Variants in RBFOX1 observed in about 807,000 individuals in gnomAD.
RBFOX1 encodes RNA binding fox-1 homolog 1, also known as RNA binding protein fox-1 homolog 1.
In RBFOX1, 8 loss-of-function variants were observed where a neutral mutation model predicts 57.7. That is an observed-to-expected ratio of 0.14 (90% CI 0.08 to 0.25). RBFOX1 has a LOEUF of 0.25. Ranked by LOEUF, RBFOX1 falls within the 10% of genes least tolerant of loss-of-function variation. The pLI is 1.00. For missense variants in RBFOX1, 611 were observed against 548.5 expected (o/e 1.11, Z -1.14); for synonymous variants, 326 against 222.4 (o/e 1.47, Z -4.15).
At chr16:6,618,814 C>T (rs1021346900) in intron 2 of RBFOX1, among the ~76,000 whole-genome samples, 15 of 152,158 alleles carry the variant, frequency 9.9e-5, no homozygotes, top group Non-Finnish European at 1.9e-4. Context: ...CGTGCCTGTG[C>T]AACTGCACCT....
At chr16:6,815,102 A>G (rs1314885345) in intron 3 of RBFOX1, among the ~76,000 whole-genome samples, 2 of 152,122 alleles carry the variant, frequency 1.3e-5, no homozygotes, top group Admixed American at 6.5e-5. Context: ...GTTTCTCCCC[A>G]TTTCCGACCA....
rs117998776 is a variant in RBFOX1 at position 7,197,288 on chromosome 16, C to G, written c.27+145190C>G. On this transcript the variant is annotated intron_variant, in intron 4 of 15. Transcript: ENST00000550418. ...GCTCTGAGCAGCTATTGCTTCATGTCGTGGTTGAAGCAGGAAGCGACTGAG... is the reference window on the plus strand; with the variant it reads ...GCTCTGAGCAGCTATTGCTTCATGTGGTGGTTGAAGCAGGAAGCGACTGAG... Among the ~76,000 whole-genome samples, 45 of 152,150 alleles carry G rather than the reference C, an allele frequency of 3.0e-4. No homozygotes were observed. The East Asian group carries it at 7.6e-3, about 26-fold the overall frequency.
intron 1 of RBFOX1, among the ~76,000 whole-genome samples, chr16:6,313,268 G>T (rs1193717484): frequency 6.6e-6 from 1 of 152,176 alleles, no homozygotes; most frequent in African/African-American, 2.4e-5. Context: ...AGTAAGGTAG[G>T]TTTGGAATGA....
chr16:6,917,793 G>A (rs1187940621), intron 3 of RBFOX1, among the ~76,000 whole-genome samples: 1 of 152,172 alleles, frequency 6.6e-6, no homozygotes, highest in Admixed American at 6.5e-5. Flanking sequence ...GATCTCAGTA[G>A]CAGACCTTCA....
At chr16:6,980,983 C>T (rs534237534) in intron 3 of RBFOX1, among the ~76,000 whole-genome samples, 1 of 133,594 alleles carries the variant, frequency 7.5e-6, no homozygotes, top group African/African-American at 3.0e-5. Context: ...GTGGAGGTTG[C>T]AGTCTGCCGA....
chr16:7,098,656 A>G (rs972205470), intron 4 of RBFOX1, among the ~76,000 whole-genome samples: 1 of 152,096 alleles, frequency 6.6e-6, no homozygotes, highest in African/African-American at 2.4e-5. Flanking sequence ...AGTGGTTAAA[A>G]TAGTGATGAT....
chr16:7,377,449 G>C (rs960391594), intron 4 of RBFOX1, among the ~76,000 whole-genome samples: 2 of 152,160 alleles, frequency 1.3e-5, no homozygotes, highest in African/African-American at 4.8e-5. Context: ...TCATCATTAA[G>C]ATATATTCAA....
intron 3 of RBFOX1, among the ~76,000 whole-genome samples, chr16:5,811,388 C>T (rs1459616864): frequency 6.6e-6 from 1 of 151,944 alleles, no homozygotes; most frequent in Non-Finnish European, 1.5e-5. Flanking sequence ...GGTGATCCGC[C>T]TGCCTCGGCC....
intron 3 of RBFOX1, among the ~76,000 whole-genome samples, chr16:6,939,655 C>T (rs1340625358): frequency 6.6e-6 from 1 of 151,818 alleles, no homozygotes; most frequent in Non-Finnish European, 1.5e-5. Context: ...GCGATTACAG[C>T]CGTGTGCTAC....
At chr16:7,490,103 A>G (rs535681105) in intron 4 of RBFOX1, among the ~76,000 whole-genome samples, 74 of 152,258 alleles carry the variant, frequency 4.9e-4, no homozygotes, top group African/African-American at 1.7e-3. Flanking sequence ...CATCTTTGCC[A>G]TGTGGCTTCT....
At chr16:5,641,481 A>T (rs552560252) in intron 3 of RBFOX1, among the ~76,000 whole-genome samples, 1 of 152,246 alleles carries the variant, frequency 6.6e-6, no homozygotes, top group African/African-American at 2.4e-5. Context: ...AAGGGTAAGT[A>T]GAAAGGCCTC....
intron 2 of RBFOX1, among the ~76,000 whole-genome samples, chr16:5,587,757 C>A (rs911729036): frequency 7.9e-5 from 12 of 152,050 alleles, no homozygotes; most frequent in African/African-American, 2.9e-4. Context: ...TATGGAGGGA[C>A]CTGAGCCCTC....
At chr16:7,178,212 C>T (rs2082045995) in intron 4 of RBFOX1, among the ~76,000 whole-genome samples, 1 of 152,246 alleles carries the variant, frequency 6.6e-6, no homozygotes, top group Non-Finnish European at 1.5e-5. Context: ...GGAAACTTTC[C>T]TCCACACAGT....
At chr16:6,745,964 A>G (rs149188154) in intron 3 of RBFOX1, among the ~76,000 whole-genome samples, 5 of 152,370 alleles carry the variant, frequency 3.3e-5, no homozygotes, top group African/African-American at 1.2e-4. Context: ...ATGTAATTCA[A>G]TTATATTTTT....
chr16:6,515,122 G>C (rs766135096), intron 2 of RBFOX1, among the ~76,000 whole-genome samples: 3 of 152,134 alleles, frequency 2.0e-5, no homozygotes, highest in Non-Finnish European at 4.4e-5. Flanking sequence ...TATATTACAG[G>C]TTTACTTATG....
At chr16:5,890,240 A>G (rs2058014590) in intron 4 of RBFOX1, among the ~76,000 whole-genome samples, 1 of 152,220 alleles carries the variant, frequency 6.6e-6, no homozygotes, top group African/African-American at 2.4e-5. Flanking sequence ...ATATCTAATT[A>G]TAACAGGCAT....
chr16:6,833,199 T>C (rs990989841), intron 3 of RBFOX1, among the ~76,000 whole-genome samples: 2 of 152,048 alleles, frequency 1.3e-5, no homozygotes, highest in African/African-American at 4.8e-5. Flanking sequence ...GGGGTCTTTT[T>C]CTGTCACCCA....
chr16:5,267,693 C>T (rs1353936103), intron 1 of RBFOX1, among the ~76,000 whole-genome samples: 3 of 152,182 alleles, frequency 2.0e-5, no homozygotes, highest in Non-Finnish European at 2.9e-5. Flanking sequence ...CTGGAATCTT[C>T]TCTACTTCCA....
At chr16:6,457,440 C>CCCCG (rs1025074368) in intron 2 of RBFOX1, among the ~76,000 whole-genome samples, 1 of 64,050 alleles carries the variant, frequency 1.6e-5, no homozygotes, top group East Asian at 9.3e-4. Context: ...TCCGGAAGTC[C>CCCCG]CCCCCCCCGC....
Sources: allele counts gnomAD v4.1 joint callset (sites outside exome capture counted in the v4.1 genomes callset), GRCh38; gene constraint gnomAD v4.1.1; transcripts MANE v1.5; gene names NCBI Gene and HGNC (gene_info 2026-07-23, HGNC 2026-07-21).